PCM1: variants seen among roughly 807,000 people sequenced by gnomAD.
PCM1 encodes the protein pericentriolar material 1 protein.
A neutral mutation model predicts 241.9 loss-of-function variants in PCM1; 157 were observed. The ratio of observed to expected loss-of-function variants is 0.65; its 90% CI spans 0.57 to 0.74. The LOEUF is 0.74. PCM1 is among the 30% of genes least tolerant of loss of function. The probability of loss-of-function intolerance (pLI) is 0.00; values close to 1 mark genes in which losing one functional copy is unlikely to be tolerated. For synonymous variants in PCM1, 1,085 were observed against 784.9 expected (o/e 1.38, Z -6.39); for missense variants, 3,478 against 2,360.1 (o/e 1.47, Z -9.81).
chr8:18,013,918 G>T, intron 34 of PCM1, 46 bp from the exon 35 acceptor site: 1 of 1,124,982 alleles, frequency 8.9e-7, no homozygotes, highest in South Asian at 1.4e-5. Flanking sequence ...CTTTTATAGT[G>T]ACCATATATT....
chr8:17,958,595 T>C (rs2069928879), intron 13 of PCM1, among the ~76,000 whole-genome samples: 1 of 152,096 alleles, frequency 6.6e-6, no homozygotes, highest in East Asian at 1.9e-4. Flanking sequence ...ATAAAAATCA[T>C]ATAAAATGGT....
chr8:18,028,699 G>C lies in PCM1; in HGVS notation c.*1037G>C, dbSNP rs1276219043. The C allele has an allele frequency of 4.9e-6, 1 of 202,702 alleles. No individual in the cohort carries two copies. Among genetic ancestry groups the C allele is most frequent in the African/African-American group, 2.3e-5 (1 of 43,654 alleles). 12.6% of individuals were successfully genotyped at this position (202,702 alleles called of 1,614,324 possible). A position where few individuals can be genotyped will look rare whatever the true frequency, so the allele number is the denominator to read the frequency against. ...TTATCCCAAACTGTCCATATACCCA[G>C]TAAGGCTTCAAAAAACCAGTCAACA... On this transcript the variant is annotated 3_prime_UTR_variant, in exon 39 of 39. Coordinates refer to ENST00000325083, the MANE Select transcript of PCM1 (RefSeq NM_006197.4).
In PCM1 at chr8:17,964,234, G is replaced by T. The variant is rs527857184; in HGVS notation, c.2655-334G>T. 2.6e-5 allele frequency among the ~76,000 whole-genome samples: 4 copies of T among 152,300 alleles called. No individual in the cohort carries two copies. In the East Asian group the frequency reaches 7.7e-4, roughly 29 times the overall value. On this transcript the variant is annotated intron_variant, in intron 17 of 38. Transcript: ENST00000325083. ...TTGGATAGCACAGATACAGATGATT[G>T]CCGTAATTATAGAAAGTTCTGCTGA...
chr8:17,976,526 C>T (rs954597885), intron 23 of PCM1, among the ~76,000 whole-genome samples: 2 of 152,210 alleles, frequency 1.3e-5, no homozygotes, highest in African/African-American at 4.8e-5. Context: ...AGCAACTTCT[C>T]ACAAGCCTCT....
Position 17,966,512 on chromosome 8 carries a change from C to G in PCM1, c.3221+39C>G, listed in dbSNP as rs779387997. ...TAGAAGTATTGAGACTGTATAAGAG[C>G]TAACATTGAGCAGAGGTTTTACAGT... On this transcript the variant is annotated intron_variant, in intron 20 of 38. Coordinates refer to ENST00000325083, the MANE Select transcript of PCM1 (RefSeq NM_006197.4). 5.1e-6 allele frequency: 8 copies of G among 1,578,364 alleles called. No individual in the cohort carries two copies. In the South Asian group the frequency reaches 6.7e-5, roughly 13 times the overall value.
At position 17,993,569 on chromosome 8, in the gene PCM1, C is replaced by A. The variant is rs766280631; in HGVS notation, c.4777C>A (p.Leu1593Met). 10 of 1,597,224 alleles carry A rather than the reference C, an allele frequency of 6.3e-6. No homozygotes were observed. The Admixed American group carries it at 1.7e-4, about 28-fold the overall frequency. ...IPCPRIDTQQ[L>M]DRQIKAIMKE... The stretch of plus-strand genomic sequence containing the variant: ...ATGTCCTAGAATTGATACTCAGCAG[C>A]TGGACCGGCAAATTAAAGCAATTAT... The change falls in exon 29 of 39, where the codon CTG becomes ATG. Residue 1593 changes from leucine (L) to methionine (M), a missense_variant. By Grantham distance (15) the Leu-to-Met change is conservative (BLOSUM62 2). Coordinates refer to ENST00000325083, the MANE Select transcript of PCM1 (RefSeq NM_006197.4).
At chr8:17,942,256 CAG>C (rs1046988330) in intron 6 of PCM1, among the ~76,000 whole-genome samples, 8 of 152,100 alleles carry the variant, frequency 5.3e-5, no homozygotes, top group Non-Finnish European at 8.8e-5. Context: ...CACCTGAGGT[CAG>C]GGGTTTGGGA....
Position 17,938,869 on chromosome 8 carries a change from A to G in PCM1, c.472A>G (p.Thr158Ala), listed in dbSNP as rs201372017. 1.7e-5 allele frequency: 27 copies of G among 1,613,784 alleles called. No homozygotes were observed. In the East Asian group the frequency reaches 5.8e-4, roughly 35 times the overall value. ...INTNKSKDASTNPPNRETIGS... is the reference protein window; with the variant it reads ...INTNKSKDASANPPNRETIGS... ...TACTAACAAGAGCAAAGATGCATCT[A>G]CAAACCCCCCAAACAGAGAAACGAT... The change falls in exon 5 of 39, where the codon ACA becomes GCA. Residue 158 changes from threonine to alanine, a missense_variant. Coordinates refer to ENST00000325083, the MANE Select transcript of PCM1 (RefSeq NM_006197.4).
At chr8:17,973,068 A>C (rs73571777) in intron 23 of PCM1, among the ~76,000 whole-genome samples, 3,013 of 152,212 alleles carry the variant, frequency 0.02, 109 homozygotes, top group African/African-American at 0.069. Context: ...TAGTTTAAAG[A>C]ATAGTGGGCT....
chr8:17,946,200 ACCT>A (rs1377889047), intron 6 of PCM1, among the ~76,000 whole-genome samples: 1 of 152,058 alleles, frequency 6.6e-6, no homozygotes, highest in Non-Finnish European at 1.5e-5. Context: ...CTAGATGATA[ACCT>A]CCTAGCATTT....
chr8:18,014,979 C>T, intron 36 of PCM1, 139 bp downstream of exon 36: 1 of 719,176 alleles, frequency 1.4e-6, no homozygotes, highest in South Asian at 2.1e-5. Context: ...CTAATTCACA[C>T]TTTAACTTTA....
Position 17,938,721 on chromosome 8 carries a change from A to C in PCM1, c.343-19A>C. On this transcript the variant is annotated intron_variant, in intron 4 of 38. Transcript: ENST00000325083. The stretch of plus-strand genomic sequence containing the variant: ...ATAAGGTTAATGTTTGTGTGATTTG[A>C]TTTCTTTTTCATATATAGAGAAGCA... 1 of 1,592,034 alleles carries C rather than the reference A, an allele frequency of 6.3e-7. No homozygotes were observed. The highest frequency in any genetic ancestry group is 8.6e-7 in the Non-Finnish European group (1 of 1,162,584).
chr8:17,974,143 A>G (rs2077827657), intron 23 of PCM1, among the ~76,000 whole-genome samples: 1 of 152,198 alleles, frequency 6.6e-6, no homozygotes, highest in African/African-American at 2.4e-5. Flanking sequence ...TTCTGGTTAT[A>G]AAGGTTTAGG....
rs1187792637 is a variant in PCM1, at chr8:18,028,922, C to T, written c.*1260C>T. 1.7e-5 allele frequency: 3 copies of T among 180,628 alleles called. No individual in the cohort carries two copies. The highest frequency in any genetic ancestry group is 9.1e-5 in the East Asian group (1 of 10,994). 11.2% of individuals were successfully genotyped at this position (180,628 alleles called of 1,614,324 possible). On this transcript the variant is annotated 3_prime_UTR_variant, in exon 39 of 39. Coordinates refer to ENST00000325083, the MANE Select transcript of PCM1 (RefSeq NM_006197.4). ...ATCCCAGCACCTTGGGAGGCCGAGGCGGGCAGATCACGAGGTCAAGAGATT... is the reference window on the plus strand; with the variant it reads ...ATCCCAGCACCTTGGGAGGCCGAGGTGGGCAGATCACGAGGTCAAGAGATT...
intron 29 of PCM1, among the ~76,000 whole-genome samples, chr8:17,996,216 C>A (rs535380002): frequency 7.2e-5 from 11 of 152,098 alleles, no homozygotes; most frequent in African/African-American, 2.7e-4. Context: ...TTCTTCTATA[C>A]CCAGTTTTTT....
chr8:17,964,781 A>T lies in PCM1; in HGVS notation c.2855+13A>T. The T allele has an allele frequency of 6.3e-7, 1 of 1,597,878 alleles. No individual in the cohort carries two copies. Among genetic ancestry groups the T allele is most frequent in the Non-Finnish European group, 8.6e-7 (1 of 1,165,644 alleles). On this transcript the variant is annotated intron_variant, in intron 18 of 38. Transcript: ENST00000325083. ...AAACTAAAAATAGGTTAGTTTCAGT[A>T]TTTTAATTTTGTGCTTAATTTAAGA...
At chr8:18,010,467 A>G (rs1308121562) in intron 31 of PCM1, 142 bp from the exon 32 acceptor site, 1 of 589,502 alleles carries the variant, frequency 1.7e-6, no homozygotes, top group South Asian at 2.2e-5. Flanking sequence ...AAACAGCATG[A>G]TACTATAATA....
chr8:18,003,061 T>C (rs1002626205), intron 29 of PCM1, among the ~76,000 whole-genome samples: 2 of 152,236 alleles, frequency 1.3e-5, no homozygotes, highest in Non-Finnish European at 2.9e-5. Context: ...TAACTTTTGC[T>C]GAGTAAACCT....
At chr8:18,004,970 C>T (rs1275806681) in intron 29 of PCM1, among the ~76,000 whole-genome samples, 1 of 152,160 alleles carries the variant, frequency 6.6e-6, no homozygotes, top group Non-Finnish European at 1.5e-5. Context: ...GGTACATTCA[C>T]TTCACATTAT....
Sources: allele counts gnomAD v4.1 joint callset (sites outside exome capture counted in the v4.1 genomes callset), GRCh38; gene constraint gnomAD v4.1.1; transcripts MANE v1.5; gene names NCBI Gene and HGNC (gene_info 2026-07-23, HGNC 2026-07-21).